LINGO2: variants seen among roughly 807,000 people sequenced by gnomAD.
LINGO2 encodes the protein leucine-rich repeat and immunoglobulin-like domain-containing nogo receptor-interacting protein 2.
LINGO2 carries 14 observed loss-of-function variants against 30.6 expected under a neutral mutation model. The observed-to-expected ratio is 0.46, with a 90% CI of 0.30 to 0.72. LINGO2 has a LOEUF of 0.72. Ranked by LOEUF, LINGO2 falls within the 30% of genes least tolerant of loss-of-function variation. The pLI is 0.07. For synonymous variants in LINGO2, 317 were observed against 288.5 expected (o/e 1.10, Z -1.00); for missense variants, 729 against 751.7 (o/e 0.97, Z 0.35).
At chr9:28,487,763 T>C (rs1305229646) in intron 1 of LINGO2, among the ~76,000 whole-genome samples, 1 of 152,140 alleles carries the variant, frequency 6.6e-6, no homozygotes, top group South Asian at 2.1e-4. Context: ...ATTGCTGATA[T>C]GACACAAATG....
At chr9:28,949,673 C>A in the LINGO2 span, among the ~76,000 whole-genome samples, 5 of 152,106 alleles carry the variant, frequency 3.3e-5, no homozygotes, top group Admixed American at 2.0e-4. Context: ...CCGAATTCTA[C>A]CAGAGGTACA....
exon 4 of LINGO2, chr9:28,295,355 C>T (rs1029629906): frequency 6.6e-6 from 1 of 152,664 alleles, no homozygotes; most frequent in East Asian, 1.9e-4. Flanking sequence ...AAGCCAACTG[C>T]TTGAAACGAA....
At chr9:28,956,589 C>G in the LINGO2 span, among the ~76,000 whole-genome samples, 1 of 65,018 alleles carries the variant, frequency 1.5e-5, no homozygotes, top group African/African-American at 4.5e-5. Flanking sequence ...CCTCCCTCCC[C>G]CTTTCCTTCC....
At chr9:29,148,094 G>A in the LINGO2 span, among the ~76,000 whole-genome samples, 1 of 151,898 alleles carries the variant, frequency 6.6e-6, no homozygotes, top group African/African-American at 2.4e-5. Context: ...CATTCACAGT[G>A]GTCTAAAATA....
the LINGO2 span, among the ~76,000 whole-genome samples, chr9:28,932,620 T>C: frequency 3.9e-5 from 6 of 152,162 alleles, no homozygotes; most frequent in African/African-American, 1.4e-4. Context: ...CTGGGTTGTC[T>C]AACAAGTCCC....
At chr9:28,677,512 T>C in the LINGO2 span, among the ~76,000 whole-genome samples, 1 of 152,146 alleles carries the variant, frequency 6.6e-6, no homozygotes, top group East Asian at 1.9e-4. Context: ...GAGGCTTATA[T>C]GAGTACTGGT....
chr9:29,090,526 A>G, the LINGO2 span, among the ~76,000 whole-genome samples: 2 of 152,106 alleles, frequency 1.3e-5, no homozygotes, highest in African/African-American at 4.8e-5. Context: ...ATTGGCACAG[A>G]TCAAGTCCTA....
At chr9:28,486,830 T>G (rs897723683) in intron 1 of LINGO2, among the ~76,000 whole-genome samples, 1 of 152,122 alleles carries the variant, frequency 6.6e-6, no homozygotes, top group African/African-American at 2.4e-5. Flanking sequence ...ACTCACAATC[T>G]ATGACTAGAG....
chr9:29,170,151 A>G, the LINGO2 span, among the ~76,000 whole-genome samples: 1 of 152,330 alleles, frequency 6.6e-6, no homozygotes, highest in Non-Finnish European at 1.5e-5. Flanking sequence ...ACCTGCATTC[A>G]TAAGTTTATA....
intron 2 of LINGO2, among the ~76,000 whole-genome samples, chr9:28,416,361 C>T (rs1442556007): frequency 6.6e-6 from 1 of 152,114 alleles, no homozygotes; most frequent in Non-Finnish European, 1.5e-5. Context: ...GGTTTTCTCT[C>T]CTTTGTGATT....
the LINGO2 span, among the ~76,000 whole-genome samples, chr9:29,098,289 G>A: frequency 6.6e-6 from 1 of 152,118 alleles, no homozygotes; most frequent in Non-Finnish European, 1.5e-5. Flanking sequence ...GTAACTGCAA[G>A]CAAGCACTGC....
At chr9:27,981,412 G>A (rs1377613663) in intron 5 of LINGO2, among the ~76,000 whole-genome samples, 2 of 150,658 alleles carry the variant, frequency 1.3e-5, no homozygotes, top group South Asian at 2.1e-4. Flanking sequence ...AGTTTTCTTT[G>A]ACACTAAAGT....
intron 2 of LINGO2, among the ~76,000 whole-genome samples, chr9:28,444,222 C>T (rs1054571416): frequency 2.6e-5 from 4 of 152,174 alleles, no homozygotes; most frequent in Admixed American, 1.3e-4. Flanking sequence ...TGTTCCTGGC[C>T]AGCTCGCTGA....
chr9:29,001,963 T>C, the LINGO2 span, among the ~76,000 whole-genome samples: 1 of 152,020 alleles, frequency 6.6e-6, no homozygotes, highest in African/African-American at 2.4e-5. Flanking sequence ...TTCAAGTTTT[T>C]CCTAGGTTTT....
At chr9:28,916,515 A>G in the LINGO2 span, among the ~76,000 whole-genome samples, 1 of 152,162 alleles carries the variant, frequency 6.6e-6, no homozygotes. Context: ...TATTGACTCT[A>G]GTCTTTAGAT....
At chr9:28,208,235 TCAC>T (rs771123465) in intron 4 of LINGO2, among the ~76,000 whole-genome samples, 32 of 152,168 alleles carry the variant, frequency 2.1e-4, no homozygotes, top group African/African-American at 6.5e-4. Flanking sequence ...GATTTAAAAA[TCAC>T]CACAAGCCTT....
At chr9:28,279,957 T>A (rs1823260262) in intron 4 of LINGO2, among the ~76,000 whole-genome samples, 1 of 152,144 alleles carries the variant, frequency 6.6e-6, no homozygotes, top group South Asian at 2.1e-4. Context: ...GTGTTTTTAT[T>A]TTGTCTCTGC....
chr9:28,475,306 A>G (rs775588274), intron 2 of LINGO2, among the ~76,000 whole-genome samples: 1 of 152,196 alleles, frequency 6.6e-6, no homozygotes, highest in Non-Finnish European at 1.5e-5. Flanking sequence ...GGCATCTATT[A>G]GATACTAAAG....
At chr9:29,119,970 G>A in the LINGO2 span, among the ~76,000 whole-genome samples, 1 of 152,124 alleles carries the variant, frequency 6.6e-6, no homozygotes, top group Non-Finnish European at 1.5e-5. Context: ...CAAGAGGTTT[G>A]GCAGGGAGTT....
Sources: gnomAD v4.1 joint callset for allele counts (sites outside exome capture counted in the v4.1 genomes callset) on GRCh38, gnomAD v4.1.1 for gene constraint, MANE v1.5 for transcripts, NCBI Gene and HGNC (gene_info 2026-07-23, HGNC 2026-07-21) for gene names.